The following CD47 variants were observed in gnomAD, a reference collection of about 807,000 sequenced individuals.
CD47 encodes leukocyte surface antigen CD47.
CD47 carries 11 observed loss-of-function variants against 44.6 expected under a neutral mutation model. That is an observed-to-expected ratio of 0.25 (90% CI 0.16 to 0.41). The LOEUF is 0.41. CD47 is among the 10% of genes least tolerant of loss of function. The pLI is 1.00. For missense variants in CD47, 306 were observed against 386.7 expected (o/e 0.79, Z 1.75); for synonymous variants, 140 against 136.3 (o/e 1.03, Z -0.19).
At chr3:108,055,002 A>G (rs968868186) in intron 7 of CD47, among the ~76,000 whole-genome samples, 4 of 152,162 alleles carry the variant, frequency 2.6e-5, no homozygotes, top group Non-Finnish European at 5.9e-5. Context: ...AATCTTTTCT[A>G]TGCTTTCACA....
chr3:108,067,069 G>A (rs1437638187), intron 3 of CD47, among the ~76,000 whole-genome samples: 1 of 152,168 alleles, frequency 6.6e-6, no homozygotes, highest in East Asian at 1.9e-4. Context: ...AGTTATGCAA[G>A]AAGAACACAC....
In CD47 at chr3:108,044,448, CAAAA is replaced by C. The variant is rs869104856; in HGVS notation, c.*2836_*2839del. ...AAAAAAAAAAAAAAAAAAAAAAAAA[CAAAA>C]AAAAAAAACAGAAAGAAAGAAAACT... On this transcript the variant is annotated 3_prime_UTR_variant, in exon 11 of 11. Transcript: ENST00000361309. 1.7e-5 allele frequency: 1 copy of C among 60,248 alleles called. No individual in the cohort carries two copies. Among genetic ancestry groups the C allele is most frequent in the Non-Finnish European group, 3.6e-5 (1 of 28,126 alleles). 3.7% of individuals were successfully genotyped at this position (60,248 alleles called of 1,614,324 possible).
intron 2 of CD47, among the ~76,000 whole-genome samples, chr3:108,078,740 A>G: frequency 6.6e-6 from 1 of 152,064 alleles, no homozygotes; most frequent in East Asian, 1.9e-4. Flanking sequence ...TCCCTTGCCC[A>G]TTCCTCACTG....
intron 1 of CD47, among the ~76,000 whole-genome samples, chr3:108,081,155 T>A (rs12330590): frequency 0.12 from 18,952 of 151,962 alleles, 1,481 homozygotes; most frequent in Middle Eastern, 0.2. Context: ...CAAGAGCAGT[T>A]ACTGCTAATA....
At chr3:108,076,456 A>G (rs907817837) in intron 2 of CD47, among the ~76,000 whole-genome samples, 7 of 152,234 alleles carry the variant, frequency 4.6e-5, no homozygotes, top group Non-Finnish European at 1.0e-4. Context: ...TGCATTCAGT[A>G]TTTAGTTATT....
At chr3:108,063,803 C>A (rs1408822970) in intron 3 of CD47, among the ~76,000 whole-genome samples, 2 of 152,094 alleles carry the variant, frequency 1.3e-5, no homozygotes, top group African/African-American at 4.8e-5. Context: ...TTAAGGATTA[C>A]CCTCAGCTAC....
intron 3 of CD47, among the ~76,000 whole-genome samples, chr3:108,062,798 G>C (rs2079037772): frequency 6.6e-6 from 1 of 150,702 alleles, no homozygotes; most frequent in Non-Finnish European, 1.5e-5. Context: ...TGCGCCACCA[G>C]GCCTGGCTAA....
intron 1 of CD47, among the ~76,000 whole-genome samples, chr3:108,080,616 C>T (rs1175233743): frequency 1.3e-5 from 2 of 151,868 alleles, no homozygotes; most frequent in Non-Finnish European, 2.9e-5. Context: ...ATAAATTCAG[C>T]AACTATGTTG....
intron 9 of CD47, among the ~76,000 whole-genome samples, 194 bp downstream of exon 9, chr3:108,050,384 G>A (rs572351122): frequency 4.6e-5 from 7 of 152,192 alleles, no homozygotes; most frequent in East Asian, 3.9e-4. Context: ...CCAAGGTGCC[G>A]GGATCGCAAG....
chr3:108,090,295 A>C (rs1302324459), intron 1 of CD47, among the ~76,000 whole-genome samples: 2 of 152,180 alleles, frequency 1.3e-5, no homozygotes, highest in Non-Finnish European at 2.9e-5. Context: ...TTGAATGCTG[A>C]GTTGAAAATG....
Position 108,049,649 on chromosome 3 carries a change from A to C in CD47, c.937T>G (p.Phe313Val), listed in dbSNP as rs750542237. The C allele has an allele frequency of 6.2e-7, 1 of 1,601,272 alleles. No homozygotes were observed. The highest frequency in any genetic ancestry group is 1.3e-5 in the African/African-American group (1 of 74,796). The part of the protein sequence containing the change: ...RKAVEEPLNA[F>V]KESKGMMNDE ...TTCATCATTCCTTTTGATTCTTTGA[A>C]TGCTAGGATTAGTAACAAGCCAAGC... is the stretch of plus-strand genomic sequence containing the variant. Residue 313 changes from phenylalanine to valine, a missense_variant and splice_region_variant, in exon 10 of 11, where the codon TTC becomes GTC. Phe to Val is a conservative substitution (Grantham distance 50). This residue lies in a region of CD47 where 131 missense variants were observed against 135.3 expected (regional missense o/e 0.97). Coordinates refer to ENST00000361309, the MANE Select transcript of CD47 (RefSeq NM_001777.4).
intron 2 of CD47, among the ~76,000 whole-genome samples, chr3:108,077,996 A>G (rs1345647080): frequency 6.6e-6 from 1 of 152,038 alleles, no homozygotes; most frequent in East Asian, 1.9e-4. Context: ...TAGTTACGCA[A>G]ATAAACACGT....
intron 3 of CD47, among the ~76,000 whole-genome samples, chr3:108,070,389 T>G (rs2079178926): frequency 6.6e-6 from 1 of 152,196 alleles, no homozygotes; most frequent in South Asian, 2.1e-4. Context: ...TTTTGTAAAT[T>G]TTCTTTACCA....
intron 10 of CD47, among the ~76,000 whole-genome samples, chr3:108,048,054 T>C (rs1010239926): frequency 1.3e-5 from 2 of 149,886 alleles, no homozygotes; most frequent in Admixed American, 6.6e-5. Context: ...GGAAAGGACA[T>C]AGAAATTAAA....
chr3:108,079,600 A>C (rs1191852793), intron 2 of CD47, among the ~76,000 whole-genome samples: 6 of 148,814 alleles, frequency 4.0e-5, no homozygotes, highest in African/African-American at 1.5e-4. Context: ...AAAAAACACA[A>C]AAAACAGAAG....
intron 3 of CD47, among the ~76,000 whole-genome samples, chr3:108,070,343 T>A (rs2079178235): frequency 6.6e-6 from 1 of 152,216 alleles, no homozygotes; most frequent in Non-Finnish European, 1.5e-5. Flanking sequence ...TTTAAAAAGC[T>A]TAAAAGTTTA....
At chr3:108,080,626 G>A (rs937403617) in intron 1 of CD47, among the ~76,000 whole-genome samples, 2 of 151,786 alleles carry the variant, frequency 1.3e-5, no homozygotes, top group African/African-American at 4.8e-5. Context: ...CAACTATGTT[G>A]GAACATGCAG....
At chr3:108,089,938 T>C (rs961620959) in intron 1 of CD47, among the ~76,000 whole-genome samples, 1 of 146,666 alleles carries the variant, frequency 6.8e-6, no homozygotes, top group Non-Finnish European at 1.5e-5. Flanking sequence ...TTCTATTCCT[T>C]GCTCAGTTTT....
chr3:108,072,607 G>C (rs1261212562), intron 2 of CD47, among the ~76,000 whole-genome samples: 1 of 152,114 alleles, frequency 6.6e-6, no homozygotes, highest in Non-Finnish European at 1.5e-5. Flanking sequence ...TCTACTGAGA[G>C]ATGTTTTTGG....
Sources: allele counts gnomAD v4.1 joint callset (sites outside exome capture counted in the v4.1 genomes callset), GRCh38; gene constraint gnomAD v4.1.1; regional missense constraint gnomAD v4.1.1; transcripts MANE v1.5; gene names NCBI Gene and HGNC (gene_info 2026-07-23, HGNC 2026-07-21).